KIF3C: variants seen among roughly 807,000 people sequenced by gnomAD.
The protein encoded by KIF3C is kinesin-like protein KIF3C.
Under a neutral mutation model 67.7 loss-of-function variants are expected in KIF3C, and 12 were observed. That is an observed-to-expected ratio of 0.18 (90% confidence interval 0.11 to 0.29). KIF3C has a LOEUF of 0.29. KIF3C is among the 10% of genes least tolerant of loss of function. KIF3C has a pLI of 1.00. For missense variants in KIF3C, 789 were observed against 1,059.6 expected, an observed-to-expected ratio of 0.74 and a Z score of 3.55; for synonymous variants, 393 against 426.2, an observed-to-expected ratio of 0.92 and a Z score of 0.96.
chr2:25,945,350 C>T (rs558078979), intron 5 of KIF3C, among the ~76,000 whole-genome samples: 1 of 151,346 alleles, frequency 6.6e-6, no homozygotes, highest in East Asian at 1.9e-4. Context: ...AAAATCCTGT[C>T]CTTTCACAGC....
intron 5 of KIF3C, among the ~76,000 whole-genome samples, chr2:25,946,645 G>A (rs779476277): frequency 7.9e-5 from 12 of 152,250 alleles, no homozygotes; most frequent in Middle Eastern, 3.4e-3. Context: ...CCAAGATCGC[G>A]CCACTGCACT....
intron 5 of KIF3C, among the ~76,000 whole-genome samples, chr2:25,939,060 C>G (rs917612379): frequency 1.3e-5 from 2 of 152,092 alleles, no homozygotes; most frequent in Non-Finnish European, 1.5e-5. Context: ...GTGGCAAGAT[C>G]TTGGCACACT....
intron 5 of KIF3C, among the ~76,000 whole-genome samples, chr2:25,950,189 C>T (rs1383341000): frequency 3.3e-5 from 5 of 151,348 alleles, no homozygotes; most frequent in Admixed American, 1.3e-4. Flanking sequence ...CATGAGCCAC[C>T]ATGCCCAGCA....
chr2:25,963,091 T>C (rs1427329045), intron 1 of KIF3C, among the ~76,000 whole-genome samples: 10 of 101,750 alleles, frequency 9.8e-5, no homozygotes, highest in Admixed American at 3.1e-4. Context: ...CATATATGCA[T>C]ATATATACAT....
intron 5 of KIF3C, among the ~76,000 whole-genome samples, chr2:25,947,673 G>GT (rs1047996458): frequency 6.6e-6 from 1 of 151,984 alleles, no homozygotes; most frequent in Non-Finnish European, 1.5e-5. Context: ...TCTGTGAATG[G>GT]TTTTTTTCAG....
intron 5 of KIF3C, among the ~76,000 whole-genome samples, chr2:25,941,367 G>A (rs952052432): frequency 3.3e-5 from 5 of 151,860 alleles, no homozygotes; most frequent in Admixed American, 3.3e-4. Context: ...AAGGTCAAAG[G>A]GCTAAAGTTG....
chr2:25,940,184 A>G (rs1396559561), intron 5 of KIF3C, among the ~76,000 whole-genome samples: 1 of 152,094 alleles, frequency 6.6e-6, no homozygotes, highest in Admixed American at 6.6e-5. Context: ...GGAACCTTAC[A>G]TTATTTCATT....
At chr2:25,976,324 C>T (rs1284601022) in intron 1 of KIF3C, among the ~76,000 whole-genome samples, 2 of 152,158 alleles carry the variant, frequency 1.3e-5, no homozygotes, top group Non-Finnish European at 2.9e-5. Flanking sequence ...CCCTCCAGAC[C>T]TTCTTATTGG....
At chr2:25,951,314 A>G (rs530796126) in intron 5 of KIF3C, 16 of 158,500 alleles carry the variant, frequency 1.0e-4, no homozygotes, top group Non-Finnish European at 2.2e-4. Context: ...GCTCTATCAC[A>G]TCATGATCTG....
At chr2:25,950,475 G>A (rs1002056413) in intron 5 of KIF3C, among the ~76,000 whole-genome samples, 71 of 149,728 alleles carry the variant, frequency 4.7e-4, no homozygotes, top group African/African-American at 1.7e-3. Flanking sequence ...ACCTGCCTCA[G>A]CCTCCCAAAG....
chr2:25,963,201 T>A lies in KIF3C; in HGVS notation c.1546-6757A>T, dbSNP rs1312855773. ...ATATATATATATATATATATATTTT[T>A]TTTTTTTTTTTTTTTTTTTTTAAAG... On this transcript the variant is annotated intron_variant, in intron 1 of 7. Transcript: ENST00000264712. Among the ~76,000 whole-genome samples, 545 of 66,862 alleles carry A rather than the reference T, an allele frequency of 8.2e-3. 7 individuals are homozygous for A. The highest frequency in any genetic ancestry group is 0.079 in the East Asian group (74 of 934). 43.9% of individuals were successfully genotyped at this position (66,862 alleles called of 152,430 possible).
intron 1 of KIF3C, among the ~76,000 whole-genome samples, chr2:25,969,486 A>AT (rs1217644332): frequency 1.3e-5 from 2 of 152,190 alleles, no homozygotes; most frequent in Non-Finnish European, 2.9e-5. Flanking sequence ...TTTTGAAAAA[A>AT]TAAAAAAAAG....
chr2:25,981,926 T>C lies in KIF3C; in HGVS notation c.-9A>G, dbSNP rs1406384116. ...TTGGTCTTACTGGCCATCTTGCTGC[T>C]CTGACCTTCCTGCCCCCGAGCCCCT... On this transcript the variant is annotated 5_prime_UTR_variant, in exon 1 of 8. Coordinates refer to ENST00000264712, the MANE Select transcript of KIF3C (RefSeq NM_002254.8). The surrounding 1 kb of genome is among the most constrained non-coding windows in gnomAD (Gnocchi z 8.2). The C allele has an allele frequency of 6.5e-7, 1 of 1,528,402 alleles. No individual in the cohort carries two copies. Among genetic ancestry groups the C allele is most frequent in the Non-Finnish European group, 8.8e-7 (1 of 1,142,160 alleles). The allele number at this position is 1,528,402 out of a possible 1,614,324, so 94.7% of individuals were successfully genotyped here. A position where few individuals can be genotyped will look rare whatever the true frequency, so the allele number is the denominator to read the frequency against.
rs1214106688 is a variant in KIF3C, at chr2:25,980,345, G to A, written c.1545+28C>T. 31 of 1,572,976 alleles carry A rather than the reference G, an allele frequency of 2.0e-5. No individual in the cohort carries two copies. Among genetic ancestry groups the A allele is most frequent in the East Asian group, 4.5e-5 (2 of 44,612 alleles). On this transcript the variant is annotated intron_variant, in intron 1 of 7. Transcript: ENST00000264712. The surrounding 1 kb of genome is among the most constrained non-coding windows in gnomAD (Gnocchi z 7.6). ...CCGGGATCCCCTGCGGGGACATCTC[G>A]AGTGCCCAGCTCCTCTGGGGCCCTT... is the stretch of plus-strand genomic sequence containing the variant.
intron 1 of KIF3C, among the ~76,000 whole-genome samples, chr2:25,962,999 TATATAATATATAATATATATAATATATA>T (rs1664028939): frequency 2.1e-5 from 1 of 47,248 alleles, no homozygotes; most frequent in African/African-American, 1.3e-4. Context: ...ATATATATAA[TATATAATATATAATATATATAATATATA>T]ATATATAATA....
rs1325958642 is a variant in KIF3C at position 25,962,954 on chromosome 2, ATATAAT to A, written c.1546-6516_1546-6511del. 7.8e-5 allele frequency among the ~76,000 whole-genome samples: 3 copies of A among 38,446 alleles called. 1 individual carries two copies. The highest frequency in any genetic ancestry group is 6.3e-4 in the African/African-American group (3 of 4,736). The allele number at this position is 38,446 out of a possible 152,430, so 25.2% of individuals were successfully genotyped here. A position where few individuals can be genotyped will look rare whatever the true frequency, so the allele number is the denominator to read the frequency against. On this transcript the variant is annotated intron_variant, in intron 1 of 7. Transcript: ENST00000264712. ...ATACATATAATATATAATATATAAT[ATATAAT>A]ATATATAATATATAATATATAATAT...
rs70950146 is a variant in KIF3C at position 25,971,871 on chromosome 2, C to CTTTTTTTTTTTTT, written c.1545+8489_1545+8501dup. The stretch of plus-strand genomic sequence containing the variant: ...TACAGGCATGCAGTACCATGCCTAG[C>CTTTTTTTTTTTTT]TTTTTTTTTTTTTTTTTTTTTTTTT... On this transcript the variant is annotated intron_variant, in intron 1 of 7. Coordinates refer to ENST00000264712, the MANE Select transcript of KIF3C (RefSeq NM_002254.8). Among the ~76,000 whole-genome samples, 21 of 53,798 alleles carry CTTTTTTTTTTTTT rather than the reference C, an allele frequency of 3.9e-4. 1 individual carries two copies. Among genetic ancestry groups the CTTTTTTTTTTTTT allele is most frequent in the Non-Finnish European group, 6.3e-4 (17 of 26,862 alleles). 35.3% of individuals were successfully genotyped at this position (53,798 alleles called of 152,430 possible). A position where few individuals can be genotyped will look rare whatever the true frequency, so the allele number is the denominator to read the frequency against.
intron 1 of KIF3C, among the ~76,000 whole-genome samples, chr2:25,966,357 T>C (rs867624933): frequency 1.3e-5 from 2 of 152,104 alleles, no homozygotes; most frequent in Non-Finnish European, 2.9e-5. Flanking sequence ...CCACCCACCT[T>C]GACCTTCCAA....
chr2:25,953,666 G>GT (rs1195374364), intron 4 of KIF3C, among the ~76,000 whole-genome samples: 1 of 94,496 alleles, frequency 1.1e-5, no homozygotes, highest in African/African-American at 4.4e-5. Context: ...GGCCTTTTTT[G>GT]TTTTTGTTTT....
Sources: gnomAD v4.1 joint callset for allele counts (sites outside exome capture counted in the v4.1 genomes callset) on GRCh38, gnomAD v4.1.1 for gene constraint, Gnocchi (gnomAD v3.1) non-coding constraint, MANE v1.5 for transcripts, NCBI Gene and HGNC (gene_info 2026-07-23, HGNC 2026-07-21) for gene names.